ANKRD12: variants seen among roughly 807,000 people sequenced by gnomAD.
The protein encoded by ANKRD12 is ankyrin repeat domain 12, also known as ankyrin repeat domain-containing protein 12.
Under a neutral mutation model 183.4 loss-of-function variants are expected in ANKRD12, and 85 were observed. That is an observed-to-expected ratio of 0.46 (90% CI 0.39 to 0.56). The LOEUF is 0.56. Among genes scored for constraint, ANKRD12 ranks in the 20% least tolerant of loss-of-function variants. The pLI, the probability that ANKRD12 is intolerant of heterozygous loss-of-function variation, is 0.00. For missense variants in ANKRD12, 2,405 were observed against 2,357.1 expected, an observed-to-expected ratio of 1.02 and a Z score of -0.42; for synonymous variants, 914 against 800.2, an observed-to-expected ratio of 1.14 and a Z score of -2.40.
At chr18:9,274,908 G>A (rs1478433308) in intron 10 of ANKRD12, among the ~76,000 whole-genome samples, 1 of 152,122 alleles carries the variant, frequency 6.6e-6, no homozygotes, top group Admixed American at 6.6e-5. Flanking sequence ...TGTTGGCCAG[G>A]TATGTGGGTT....
At chr18:9,276,619 TAGG>T (rs1327224283) in intron 11 of ANKRD12, among the ~76,000 whole-genome samples, 1 of 151,608 alleles carries the variant, frequency 6.6e-6, no homozygotes, top group Non-Finnish European at 1.5e-5. Flanking sequence ...GAGGCTGAGG[TAGG>T]AGGATCTGTT....
rs1322490773 is a variant in ANKRD12, at chr18:9,256,712, G to C, written c.3445G>C (p.Ala1149Pro). The C allele has an allele frequency of 6.2e-7, 1 of 1,611,656 alleles. No homozygotes were observed. Among genetic ancestry groups the C allele is most frequent in the East Asian group, 2.2e-5 (1 of 44,876 alleles). The change falls in exon 9 of 13, where the codon GCA becomes CCA. Residue 1149 changes from alanine to proline, a missense_variant. This residue lies in a region of ANKRD12 where 1,983 missense variants were observed against 1,725.9 expected (regional missense o/e 1.15). Coordinates refer to ENST00000262126, the MANE Select transcript of ANKRD12 (RefSeq NM_015208.5). ...TRSKSSEVTDAYTKEKQPKDA... is the reference protein window; with the variant it reads ...TRSKSSEVTDPYTKEKQPKDA... ...GTCAAAGAGTTCAGAAGTGACTGAT[G>C]CATATACCAAGGAGAAACAACCTAA...
At chr18:9,175,764 G>T (rs915017951) in intron 1 of ANKRD12, among the ~76,000 whole-genome samples, 9 of 151,852 alleles carry the variant, frequency 5.9e-5, no homozygotes, top group Admixed American at 3.9e-4. Flanking sequence ...CTGAGCTCAG[G>T]CAGTCTGCCT....
intron 6 of ANKRD12, among the ~76,000 whole-genome samples, chr18:9,213,516 G>T (rs1259794110): frequency 6.6e-6 from 1 of 151,864 alleles, no homozygotes; most frequent in Non-Finnish European, 1.5e-5. Context: ...CTCGTTGAAG[G>T]AAATTATGGT....
At chr18:9,163,142 C>G (rs113701997) in intron 1 of ANKRD12, among the ~76,000 whole-genome samples, 4,356 of 152,170 alleles carry the variant, frequency 0.029, 74 homozygotes, top group Non-Finnish European at 0.038. Flanking sequence ...ATGGTATTGC[C>G]TAGATTTTCT....
intron 10 of ANKRD12, among the ~76,000 whole-genome samples, chr18:9,265,706 C>T (rs1427383411): frequency 6.6e-6 from 1 of 152,148 alleles, no homozygotes; most frequent in Non-Finnish European, 1.5e-5. Flanking sequence ...AACTAAAAAT[C>T]AGAGCGCCTC....
intron 8 of ANKRD12, among the ~76,000 whole-genome samples, chr18:9,225,922 T>C (rs574937403): frequency 5.9e-5 from 9 of 151,944 alleles, no homozygotes; most frequent in Non-Finnish European, 1.3e-4. Context: ...TATTACACTA[T>C]CACATATCTA....
intron 6 of ANKRD12, among the ~76,000 whole-genome samples, chr18:9,214,434 C>T (rs2035979473): frequency 6.6e-6 from 1 of 152,052 alleles, no homozygotes; most frequent in Admixed American, 6.6e-5. Context: ...GTGGTGAGCT[C>T]AAATATTGGG....
rs570922283 is a variant in ANKRD12 at position 9,163,939 on chromosome 18, G to A, written c.-51-18443G>A. Among the ~76,000 whole-genome samples the A allele has an allele frequency of 9.2e-5, 14 of 152,244 alleles. No homozygotes were observed. In the South Asian group the frequency reaches 1.9e-3, roughly 20 times the overall value. Reference sequence around the variant, plus strand: ...TAAGACGCTTTCGGGCCGAGACAATGTGATTTTCTAGATATAGGATCATGT... The same window carrying A: ...TAAGACGCTTTCGGGCCGAGACAATATGATTTTCTAGATATAGGATCATGT... On this transcript the variant is annotated intron_variant, in intron 1 of 12. Transcript: ENST00000262126.
intron 8 of ANKRD12, among the ~76,000 whole-genome samples, chr18:9,226,063 T>C (rs181782966): frequency 1.3e-3 from 195 of 152,360 alleles, no homozygotes; most frequent in African/African-American, 4.5e-3. Context: ...TTAAATATAA[T>C]GTATATATGA....
chr18:9,159,617 T>G (rs2031113771), intron 1 of ANKRD12, among the ~76,000 whole-genome samples: 1 of 150,280 alleles, frequency 6.7e-6, no homozygotes, highest in Admixed American at 6.6e-5. Flanking sequence ...TTTTTTGTAT[T>G]TTTAGTAGAG....
chr18:9,165,147 C>T (rs1043081283), intron 1 of ANKRD12, among the ~76,000 whole-genome samples: 5 of 152,010 alleles, frequency 3.3e-5, no homozygotes, highest in African/African-American at 7.3e-5. Flanking sequence ...TTTACCATTA[C>T]GTGATGTCGT....
intron 8 of ANKRD12, among the ~76,000 whole-genome samples, chr18:9,231,262 G>C (rs2037028723): frequency 6.6e-6 from 1 of 152,048 alleles, no homozygotes; most frequent in Non-Finnish European, 1.5e-5. Context: ...TGTCTGTTAG[G>C]TCCTTTGGTC....
In ANKRD12 at chr18:9,255,860, G is replaced by A; in HGVS notation, c.2593G>A (p.Asp865Asn). ...CAAATTAGATCTTAGTGAATGTGTT[G>A]ATAAAATAAAAGAAAAGGACAAGCT... is the stretch of plus-strand genomic sequence containing the variant. The part of the protein sequence containing the change: ...KDKLDLSECV[D>N]KIKEKDKLYS... Residue 865 changes from aspartate to asparagine, a missense_variant, in exon 9 of 13, where the codon GAT becomes AAT. Asp to Asn is a conservative substitution (Grantham distance 23). This residue lies in a region of ANKRD12 where 1,983 missense variants were observed against 1,725.9 expected (regional missense o/e 1.15). Coordinates refer to ENST00000262126, the MANE Select transcript of ANKRD12 (RefSeq NM_015208.5). The A allele has an allele frequency of 6.3e-7, 1 of 1,588,430 alleles. No individual in the cohort carries two copies. The highest frequency in any genetic ancestry group is 8.5e-7 in the Non-Finnish European group (1 of 1,172,960).
intron 3 of ANKRD12, among the ~76,000 whole-genome samples, chr18:9,197,713 T>G (rs543362925): frequency 4.6e-5 from 7 of 152,350 alleles, no homozygotes; most frequent in African/African-American, 1.7e-4. Flanking sequence ...TACTATTCAT[T>G]AAATGGAAAT....
intron 8 of ANKRD12, among the ~76,000 whole-genome samples, chr18:9,222,238 TG>T (rs1365224173): frequency 6.6e-6 from 1 of 152,198 alleles, no homozygotes; most frequent in Non-Finnish European, 1.5e-5. Flanking sequence ...TATAAATTGC[TG>T]AACTATTCAT....
intron 1 of ANKRD12, among the ~76,000 whole-genome samples, chr18:9,142,399 A>G (rs1475313315): frequency 1.3e-5 from 2 of 152,224 alleles, no homozygotes; most frequent in Non-Finnish European, 2.9e-5. Context: ...ATCTGGAGTA[A>G]TGTTAGATTC....
chr18:9,268,996 A>T (rs2039454664), intron 10 of ANKRD12, among the ~76,000 whole-genome samples: 1 of 152,200 alleles, frequency 6.6e-6, no homozygotes, highest in Admixed American at 6.5e-5. Flanking sequence ...ACAGAGCCAA[A>T]TCATGAGTGA....
chr18:9,209,571 T>C (rs1365258587), intron 5 of ANKRD12, among the ~76,000 whole-genome samples: 1 of 152,168 alleles, frequency 6.6e-6, no homozygotes, highest in Non-Finnish European at 1.5e-5. Flanking sequence ...TTTCTAAATA[T>C]TATAATTTCA....
Sources: gnomAD v4.1 joint callset for allele counts (sites outside exome capture counted in the v4.1 genomes callset) on GRCh38, gnomAD v4.1.1 for gene constraint, gnomAD v4.1.1 regional missense constraint, MANE v1.5 for transcripts, NCBI Gene and HGNC (gene_info 2026-07-23, HGNC 2026-07-21) for gene names.